The following HTR7 variants were observed in gnomAD, a reference collection of about 807,000 sequenced individuals.
HTR7 encodes the protein 5-hydroxytryptamine receptor 7.
A neutral mutation model predicts 34.0 loss-of-function variants in HTR7; 16 were observed. The observed-to-expected ratio is 0.47, with a 90% CI of 0.32 to 0.71. The LOEUF (loss-of-function observed/expected upper bound fraction) is 0.71. Among genes scored for constraint, HTR7 ranks in the 30% least tolerant of loss-of-function variants. The pLI, the probability that HTR7 is intolerant of heterozygous loss-of-function variation, is 0.04. For synonymous variants in HTR7, 265 were observed against 260.2 expected (o/e 1.02, Z -0.18); for missense variants, 504 against 625.5 (o/e 0.81, Z 2.07).
At chr10:90,767,474 T>C (rs1340517671) in intron 1 of HTR7, among the ~76,000 whole-genome samples, 2 of 152,214 alleles carry the variant, frequency 1.3e-5, no homozygotes, top group Admixed American at 6.5e-5. Flanking sequence ...GAAAGTTCTA[T>C]GCATCCTAAC....
chr10:90,749,282 G>T lies in HTR7; in HGVS notation c.852C>A (p.Asp284Glu). The change falls in exon 2 of 4, where the codon GAC becomes GAA. Residue 284 changes from aspartate to glutamate, a missense_variant. Coordinates refer to ENST00000336152, the MANE Select transcript of HTR7 (RefSeq NM_019859.4). The surrounding 1 kb of genome is among the most constrained non-coding windows in gnomAD (Gnocchi z 4.2). ...KFPGFPRVEP[D>E]SVIALNGIVK... Reference sequence around the variant, plus strand: ...CTATGCCATTCAGGGCGATGACGCTGTCTGGCTCCACTCGAGGGAAGCCAG... The same window carrying T: ...CTATGCCATTCAGGGCGATGACGCTTTCTGGCTCCACTCGAGGGAAGCCAG... 1 of 1,614,166 alleles carries T rather than the reference G, an allele frequency of 6.2e-7. No homozygotes were observed. The highest frequency in any genetic ancestry group is 8.5e-7 in the Non-Finnish European group (1 of 1,180,008).
At chr10:90,812,523 C>G (rs559587148) in intron 1 of HTR7, among the ~76,000 whole-genome samples, 180 of 152,286 alleles carry the variant, frequency 1.2e-3, no homozygotes, top group African/African-American at 4.1e-3. Flanking sequence ...TTCTCTTATT[C>G]CATTTAGTTT....
At chr10:90,833,207 C>G (rs777220258) in intron 1 of HTR7, among the ~76,000 whole-genome samples, 3 of 152,220 alleles carry the variant, frequency 2.0e-5, no homozygotes, top group Admixed American at 6.5e-5. Flanking sequence ...AGCCCCTACT[C>G]CACCACTGTA....
chr10:90,826,225 T>A (rs933734229), intron 1 of HTR7, among the ~76,000 whole-genome samples: 5 of 151,980 alleles, frequency 3.3e-5, no homozygotes, highest in African/African-American at 1.2e-4. Context: ...AAAAAAAAAC[T>A]TTTACCCTAG....
chr10:90,826,596 G>A (rs1846078705), intron 1 of HTR7, among the ~76,000 whole-genome samples: 1 of 152,134 alleles, frequency 6.6e-6, no homozygotes, highest in Non-Finnish European at 1.5e-5. Context: ...AAAGCAAGAG[G>A]ATGAAGGTGA....
At chr10:90,804,328 G>A (rs1845671029) in intron 1 of HTR7, among the ~76,000 whole-genome samples, 1 of 152,114 alleles carries the variant, frequency 6.6e-6, no homozygotes, top group Non-Finnish European at 1.5e-5. Context: ...GTACCAAGAG[G>A]GCAGGGTATA....
At chr10:90,827,973 C>A (rs1483612974) in intron 1 of HTR7, among the ~76,000 whole-genome samples, 1 of 152,166 alleles carries the variant, frequency 6.6e-6, no homozygotes, top group African/African-American at 2.4e-5. Flanking sequence ...GGACACAAAA[C>A]AAGTCTTAAC....
intron 1 of HTR7, among the ~76,000 whole-genome samples, chr10:90,792,070 T>C (rs1327477387): frequency 1.3e-5 from 2 of 152,158 alleles, no homozygotes; most frequent in African/African-American, 2.4e-5. Context: ...AAACAGAGTA[T>C]GAAGCCACTT....
At chr10:90,780,778 G>C (rs1845296476) in intron 1 of HTR7, among the ~76,000 whole-genome samples, 1 of 152,102 alleles carries the variant, frequency 6.6e-6, no homozygotes, top group Admixed American at 6.5e-5. Flanking sequence ...GTATAAATCT[G>C]CTAAGAAGTA....
At position 90,817,624 on chromosome 10, in the gene HTR7, A is replaced by T. The variant is rs531123114; in HGVS notation, c.539+39509T>A. 1.3e-4 allele frequency among the ~76,000 whole-genome samples: 20 copies of T among 152,178 alleles called. No individual in the cohort carries two copies. The South Asian group carries it at 2.1e-3, about 16-fold the overall frequency. On this transcript the variant is annotated intron_variant, in intron 1 of 3. Transcript: ENST00000336152. ...ATGTAAAACACTAAACTTCCTGAGA[A>T]CCTCTTTGGAAAAAGTCATAGGTGC... is the stretch of plus-strand genomic sequence containing the variant.
intron 1 of HTR7, among the ~76,000 whole-genome samples, chr10:90,834,853 G>A (rs932887732): frequency 3.9e-5 from 6 of 152,170 alleles, no homozygotes; most frequent in Non-Finnish European, 8.8e-5. Flanking sequence ...GTAGGAAGGG[G>A]TGCAAAGTCA....
At chr10:90,778,056 T>C (rs979064304) in intron 1 of HTR7, among the ~76,000 whole-genome samples, 4 of 152,218 alleles carry the variant, frequency 2.6e-5, no homozygotes, top group African/African-American at 7.2e-5. Flanking sequence ...AGCTGAACCA[T>C]GGATTCCAAA....
At chr10:90,779,941 A>G (rs1040233114) in intron 1 of HTR7, among the ~76,000 whole-genome samples, 11 of 152,204 alleles carry the variant, frequency 7.2e-5, no homozygotes, top group Non-Finnish European at 1.0e-4. Flanking sequence ...GTTAATCTGT[A>G]TTCCCATCAG....
At chr10:90,796,128 C>G (rs891007356) in intron 1 of HTR7, among the ~76,000 whole-genome samples, 6 of 152,200 alleles carry the variant, frequency 3.9e-5, no homozygotes, top group South Asian at 4.1e-4. Context: ...CCAACCTCCC[C>G]CTTCCTATCA....
intron 1 of HTR7, among the ~76,000 whole-genome samples, chr10:90,758,613 T>C (rs1296271457): frequency 2.0e-5 from 3 of 152,246 alleles, no homozygotes; most frequent in South Asian, 2.1e-4. Context: ...TATACAGTGA[T>C]ATAATTTAGG....
intron 1 of HTR7, among the ~76,000 whole-genome samples, chr10:90,800,282 T>C (rs1845604135): frequency 6.6e-6 from 1 of 152,204 alleles, no homozygotes; most frequent in South Asian, 2.1e-4. Flanking sequence ...ATTCTGCTCA[T>C]GGTAATCTAC....
chr10:90,795,446 A>G (rs188324189), intron 1 of HTR7, among the ~76,000 whole-genome samples: 2 of 152,338 alleles, frequency 1.3e-5, no homozygotes, highest in East Asian at 3.9e-4. Flanking sequence ...ACAAAAATTT[A>G]GAGGCTCTCT....
In HTR7 at chr10:90,809,086, C is replaced by T. The variant is rs139083395; in HGVS notation, c.539+48047G>A. ...CTGAGTCTCCAATCTTCCTTTTCTA[C>T]AGATCTATCTGACCTCTCCCCTCCT... On this transcript the variant is annotated intron_variant, in intron 1 of 3. Coordinates refer to ENST00000336152, the MANE Select transcript of HTR7 (RefSeq NM_019859.4). Among the ~76,000 whole-genome samples the T allele has an allele frequency of 2.9e-3, 436 of 152,226 alleles. 1 individual carries two copies. The highest frequency in any genetic ancestry group is 4.9e-3 in the Non-Finnish European group (333 of 68,004).
chr10:90,792,912 T>TC (rs767219997), intron 1 of HTR7, among the ~76,000 whole-genome samples: 61 of 152,122 alleles, frequency 4.0e-4, no homozygotes, highest in Non-Finnish European at 7.1e-4. Context: ...AAAAATGAAC[T>TC]GAAGACCTAA....
Sources: allele counts gnomAD v4.1 joint callset (sites outside exome capture counted in the v4.1 genomes callset), GRCh38; gene constraint gnomAD v4.1.1; non-coding constraint Gnocchi (gnomAD v3.1); transcripts MANE v1.5; gene names NCBI Gene and HGNC (gene_info 2026-07-23, HGNC 2026-07-21).